The following CDC42BPB variants were observed in gnomAD, a reference collection of about 807,000 sequenced individuals.
The protein encoded by CDC42BPB is serine/threonine-protein kinase MRCK beta.
Under a neutral mutation model 214.9 loss-of-function variants are expected in CDC42BPB, and 37 were observed. The observed-to-expected ratio is 0.17, with a 90% confidence interval of 0.13 to 0.23. The LOEUF is 0.23. CDC42BPB is among the 10% of genes least tolerant of loss of function. The pLI, the probability that CDC42BPB is intolerant of heterozygous loss-of-function variation, is 1.00. For synonymous variants in CDC42BPB, 931 were observed against 884.0 expected, an observed-to-expected ratio of 1.05 and a Z score of -0.94; for missense variants, 1,694 against 2,227.0, an observed-to-expected ratio of 0.76 and a Z score of 4.82.
intron 23 of CDC42BPB, chr14:102,952,860 G>GC (rs1272564425): frequency 2.2e-6 from 1 of 446,440 alleles, no homozygotes; most frequent in Non-Finnish European, 3.0e-6. Flanking sequence ...AGCGAGGTCA[G>GC]CTGGGCCAGA....
rs1595183321 is a variant in CDC42BPB, at chr14:103,041,493, G to A, written c.175+15506C>T. On this transcript the variant is annotated intron_variant, in intron 1 of 36. Coordinates refer to ENST00000361246, the MANE Select transcript of CDC42BPB (RefSeq NM_006035.4). ...CATGGCGCCCAGCCAGAATGGCATG[G>A]AAGCCCCACTTCCACAAGGACTGGC... 44 of 1,357,690 alleles carry A rather than the reference G, an allele frequency of 3.2e-5. No homozygotes were observed. In the East Asian group the frequency reaches 1.0e-3, roughly 31 times the overall value. 84.1% of individuals were successfully genotyped at this position (1,357,690 alleles called of 1,614,324 possible). A position where few individuals can be genotyped will look rare whatever the true frequency, so the allele number is the denominator to read the frequency against.
Position 103,052,516 on chromosome 14 carries a change from C to G in CDC42BPB, c.175+4483G>C, listed in dbSNP as rs116963243. On this transcript the variant is annotated intron_variant, in intron 1 of 36. Transcript: ENST00000361246. ...TTAAATTCGGTGGCATCATCCCACT[C>G]ACACCTTGGGCTGGCCATTCCCACA... Among the ~76,000 whole-genome samples the G allele has an allele frequency of 3.3e-3, 508 of 152,322 alleles. 1 individual carries two copies. The highest frequency in any genetic ancestry group is 5.7e-3 in the Non-Finnish European group (386 of 68,030).
rs370308370 is a variant in CDC42BPB, at chr14:103,044,696, G to A, written c.175+12303C>T. ...AATTTTTTTAATTTAATTTTGCAGA[G>A]ACGGGGGTCTCACTATGTTGCTGAA... On this transcript the variant is annotated intron_variant, in intron 1 of 36. Coordinates refer to ENST00000361246, the MANE Select transcript of CDC42BPB (RefSeq NM_006035.4). Among the ~76,000 whole-genome samples the A allele has an allele frequency of 3.6e-4, 55 of 150,778 alleles. No individual in the cohort carries two copies. The East Asian group carries it at 0.01, about 28-fold the overall frequency.
intron 1 of CDC42BPB, among the ~76,000 whole-genome samples, chr14:103,040,622 C>T (rs1194142612): frequency 6.6e-6 from 1 of 151,804 alleles, no homozygotes; most frequent in Non-Finnish European, 1.5e-5. Context: ...ACACACCCAG[C>T]TAATTTTTGT....
intron 8 of CDC42BPB, 46 bp from the exon 9 acceptor site, chr14:102,978,251 A>T: frequency 6.2e-7 from 1 of 1,604,306 alleles, no homozygotes; most frequent in South Asian, 1.1e-5. Context: ...CATTCAAACA[A>T]ACAGGTAAAA....
intron 1 of CDC42BPB, among the ~76,000 whole-genome samples, chr14:103,023,967 GC>G (rs1886912323): frequency 6.6e-6 from 1 of 152,172 alleles, no homozygotes; most frequent in African/African-American, 2.4e-5. Flanking sequence ...ACTGATGGGG[GC>G]GGTGCCCACC....
chr14:102,958,785 C>T (rs1209113990), intron 21 of CDC42BPB, among the ~76,000 whole-genome samples: 1 of 152,126 alleles, frequency 6.6e-6, no homozygotes, highest in East Asian at 1.9e-4. Context: ...CAATGCCGAA[C>T]TCTACAGCTA....
At chr14:102,948,614 G>A (rs1407186089) in intron 26 of CDC42BPB, among the ~76,000 whole-genome samples, 2 of 70,848 alleles carry the variant, frequency 2.8e-5, no homozygotes, top group Non-Finnish European at 2.8e-5. Context: ...TGCAGAGGTG[G>A]GGGGGTGGCT....
chr14:102,968,153 A>G (rs1266184688), intron 16 of CDC42BPB, 100 bp downstream of exon 16: 17 of 771,132 alleles, frequency 2.2e-5, no homozygotes, highest in Non-Finnish European at 3.6e-5. Flanking sequence ...TCCCCCATAA[A>G]TATATATACC....
intron 5 of CDC42BPB, among the ~76,000 whole-genome samples, chr14:102,994,669 G>A (rs1034396287): frequency 2.0e-5 from 3 of 152,246 alleles, no homozygotes; most frequent in African/African-American, 7.2e-5. Flanking sequence ...CAGCTGCTGA[G>A]ATTCTGGCTA....
At chr14:102,952,177 C>CA (rs1174828605) in intron 24 of CDC42BPB, among the ~76,000 whole-genome samples, 1 of 152,064 alleles carries the variant, frequency 6.6e-6, no homozygotes, top group Non-Finnish European at 1.5e-5. Flanking sequence ...TGAGATCCCT[C>CA]AACTCTCTAC....
chr14:102,978,260 A>G (rs1239316410), intron 8 of CDC42BPB, 55 bp from the exon 9 acceptor site: 2 of 1,604,332 alleles, frequency 1.2e-6, no homozygotes, highest in East Asian at 4.5e-5. Flanking sequence ...AAACAGGTAA[A>G]AAGAGGAAAG....
At chr14:103,050,611 G>A (rs1041221841) in intron 1 of CDC42BPB, among the ~76,000 whole-genome samples, 4 of 147,370 alleles carry the variant, frequency 2.7e-5, no homozygotes. Context: ...TAAAAAATTA[G>A]CCAGGTGTAG....
At chr14:103,021,509 C>A (rs1427391608) in intron 1 of CDC42BPB, among the ~76,000 whole-genome samples, 2 of 151,446 alleles carry the variant, frequency 1.3e-5, no homozygotes, top group Non-Finnish European at 2.9e-5. Context: ...ATGGTGAAAC[C>A]CCATCTCTGC....
At chr14:103,018,461 A>ATTC (rs1234938917) in intron 1 of CDC42BPB, among the ~76,000 whole-genome samples, 1 of 152,244 alleles carries the variant, frequency 6.6e-6, no homozygotes, top group Non-Finnish European at 1.5e-5. Context: ...CCACCGCCCC[A>ATTC]TTAAGATAAC....
chr14:103,048,683 G>A (rs1888438504), intron 1 of CDC42BPB, among the ~76,000 whole-genome samples: 1 of 150,986 alleles, frequency 6.6e-6, no homozygotes, highest in Admixed American at 6.6e-5. Context: ...ACTCCAGCCT[G>A]GGCGACAGAG....
intron 28 of CDC42BPB, among the ~76,000 whole-genome samples, chr14:102,946,242 C>G (rs1416986210): frequency 1.3e-5 from 2 of 151,918 alleles, no homozygotes; most frequent in East Asian, 1.9e-4. Context: ...CCAGGATGGT[C>G]TCAACCTCCT....
chr14:103,022,141 G>A (rs994990454), intron 1 of CDC42BPB, among the ~76,000 whole-genome samples: 5 of 152,186 alleles, frequency 3.3e-5, no homozygotes, highest in Non-Finnish European at 5.9e-5. Context: ...GACATGAGGT[G>A]GCTGCGGGGA....
chr14:103,037,641 C>T (rs1333929694), intron 1 of CDC42BPB, among the ~76,000 whole-genome samples: 1 of 152,212 alleles, frequency 6.6e-6, no homozygotes, highest in African/African-American at 2.4e-5. Context: ...GCTCAGCTTA[C>T]CTACAACTGC....
Sources: allele counts gnomAD v4.1 joint callset (sites outside exome capture counted in the v4.1 genomes callset), GRCh38; gene constraint gnomAD v4.1.1; transcripts MANE v1.5; gene names NCBI Gene and HGNC (gene_info 2026-07-23, HGNC 2026-07-21).